FOXP2: variants seen among roughly 807,000 people sequenced by gnomAD.
The protein encoded by FOXP2 is forkhead box P2, also known as forkhead box protein P2.
FOXP2 carries 12 observed loss-of-function variants against 115.8 expected under a neutral mutation model. The ratio of observed to expected loss-of-function variants is 0.10; its 90% CI spans 0.07 to 0.17. The LOEUF is 0.17. FOXP2 is among the 10% of genes least tolerant of loss of function. FOXP2 has a pLI of 1.00. For missense variants in FOXP2, 629 were observed against 843.5 expected (o/e 0.75, Z 3.15); for synonymous variants, 328 against 297.7 (o/e 1.10, Z -1.05).
rs184403058 is a variant in FOXP2 at position 114,436,474 on chromosome 7, A to C, written c.168+9795A>C. Among the ~76,000 whole-genome samples the C allele has an allele frequency of 4.8e-4, 72 of 151,362 alleles. 1 individual carries two copies. The highest frequency in any genetic ancestry group is 2.4e-3 in the Admixed American group (37 of 15,132). On this transcript the variant is annotated intron_variant, in intron 2 of 16. Transcript: ENST00000350908. ...TGCCTAAATAAAAATAATTAATGTA[A>C]TTATTTTAGGAGTAAAATTATTGAT... is the stretch of plus-strand genomic sequence containing the variant.
intron 2 of FOXP2, among the ~76,000 whole-genome samples, chr7:114,494,078 T>A (rs565940647): frequency 9.2e-5 from 14 of 152,188 alleles, no homozygotes; most frequent in Admixed American, 8.5e-4. Flanking sequence ...TAGAGGTAAC[T>A]TTTTAATTAT....
intron 1 of FOXP2, among the ~76,000 whole-genome samples, chr7:114,186,690 G>A (rs1234456677): frequency 3.9e-5 from 6 of 152,124 alleles, no homozygotes; most frequent in Non-Finnish European, 4.4e-5. Flanking sequence ...CGTCCCTGGG[G>A]CAGTTCTTAG....
chr7:114,526,991 A>ATTTTTTTTTTTTTTTTT (rs200748852), intron 2 of FOXP2, among the ~76,000 whole-genome samples: 1 of 128,844 alleles, frequency 7.8e-6, no homozygotes, highest in Non-Finnish European at 1.6e-5. Context: ...CCACTAATCT[A>ATTTTTTTTTTTTTTTTT]TTTTTTTTTT....
chr7:114,454,519 G>T (rs1400163804), intron 2 of FOXP2, among the ~76,000 whole-genome samples: 2 of 150,994 alleles, frequency 1.3e-5, no homozygotes, highest in Non-Finnish European at 2.9e-5. Flanking sequence ...CCATTACTGG[G>T]TATATACCCA....
chr7:114,229,458 A>G (rs1252411068), intron 1 of FOXP2, among the ~76,000 whole-genome samples: 1 of 151,694 alleles, frequency 6.6e-6, no homozygotes, highest in African/African-American at 2.4e-5. Context: ...ATTCTTCTCA[A>G]GCACACATGG....
intron 1 of FOXP2, among the ~76,000 whole-genome samples, chr7:114,178,276 C>T (rs1793368944): frequency 6.6e-6 from 1 of 151,850 alleles, no homozygotes; most frequent in South Asian, 2.1e-4. Flanking sequence ...TAAATTCTCC[C>T]AAGATCTTTA....
intron 3 of FOXP2, among the ~76,000 whole-genome samples, chr7:114,608,098 T>C (rs1315229668): frequency 1.3e-5 from 2 of 152,250 alleles, no homozygotes; most frequent in Non-Finnish European, 2.9e-5. Context: ...GGAACAAGTC[T>C]CTGAACTAAA....
At chr7:114,156,331 T>A (rs1402050407) in intron 1 of FOXP2, among the ~76,000 whole-genome samples, 1 of 152,130 alleles carries the variant, frequency 6.6e-6, no homozygotes, top group African/African-American at 2.4e-5. Context: ...TCTGCTCATG[T>A]CTGACTAGCT....
intron 2 of FOXP2, among the ~76,000 whole-genome samples, chr7:114,427,419 T>C (rs1793908135): frequency 6.6e-6 from 1 of 151,508 alleles, no homozygotes; most frequent in South Asian, 2.1e-4. Context: ...AAAATTCTTT[T>C]CAACCAAAAA....
intron 2 of FOXP2, among the ~76,000 whole-genome samples, chr7:114,459,598 G>GT (rs1378236292): frequency 2.6e-5 from 4 of 151,936 alleles, no homozygotes. Context: ...TGTTTCTTTG[G>GT]TTTTTTGTTT....
chr7:114,312,474 C>T (rs918239156), intron 2 of FOXP2, among the ~76,000 whole-genome samples: 5 of 152,064 alleles, frequency 3.3e-5, no homozygotes, highest in Non-Finnish European at 5.9e-5. Context: ...AAACCTGACC[C>T]AGAGAACCCT....
At chr7:114,529,639 C>A (rs1021375154) in intron 2 of FOXP2, among the ~76,000 whole-genome samples, 12 of 151,614 alleles carry the variant, frequency 7.9e-5, no homozygotes, top group African/African-American at 2.7e-4. Context: ...TAAAAATATT[C>A]TTTAATAATT....
At chr7:114,399,564 A>G (rs866051156) in intron 2 of FOXP2, among the ~76,000 whole-genome samples, 3 of 152,182 alleles carry the variant, frequency 2.0e-5, no homozygotes, top group Non-Finnish European at 2.9e-5. Flanking sequence ...TATACTTTTA[A>G]AAATGATTAT....
intron 2 of FOXP2, among the ~76,000 whole-genome samples, chr7:114,366,237 A>G (rs1253273644): frequency 1.3e-5 from 2 of 152,114 alleles, no homozygotes; most frequent in Non-Finnish European, 1.5e-5. Context: ...GATCGAAACT[A>G]CTAAACAGTA....
At chr7:114,247,004 T>G (rs1373627171) in intron 1 of FOXP2, among the ~76,000 whole-genome samples, 1 of 152,180 alleles carries the variant, frequency 6.6e-6, no homozygotes, top group East Asian at 1.9e-4. Context: ...CCAAATGCCT[T>G]TATGTTGAAA....
intron 1 of FOXP2, among the ~76,000 whole-genome samples, chr7:114,103,619 T>G (rs181560923): frequency 1.5e-4 from 23 of 152,182 alleles, no homozygotes; most frequent in African/African-American, 5.3e-4. Flanking sequence ...TCTTTCTTCC[T>G]TGCTATGGGC....
intron 2 of FOXP2, among the ~76,000 whole-genome samples, chr7:114,328,817 A>C (rs550154171): frequency 6.6e-6 from 1 of 152,342 alleles, no homozygotes; most frequent in South Asian, 2.1e-4. Flanking sequence ...GGGTATCAAA[A>C]GGAATAGCCT....
At chr7:114,097,853 A>G (rs1032179956) in intron 1 of FOXP2, among the ~76,000 whole-genome samples, 1 of 152,316 alleles carries the variant, frequency 6.6e-6, no homozygotes, top group Non-Finnish European at 1.5e-5. Context: ...TCTTTCACTT[A>G]TTTATTCATT....
Position 114,528,154 on chromosome 7 carries a change from G to A in FOXP2, c.169-6463G>A, listed in dbSNP as rs1006509485. Among the ~76,000 whole-genome samples, 8 of 151,960 alleles carry A rather than the reference G, an allele frequency of 5.3e-5. No individual in the cohort carries two copies. In the South Asian group the frequency reaches 8.3e-4, roughly 16 times the overall value. ...TGTTTTACTAGTTCCTAGACTAAGC[G>A]TATGCTCTATCCAAGATCAATTATT... On this transcript the variant is annotated intron_variant, in intron 2 of 16. Transcript: ENST00000350908.
Sources: allele counts gnomAD v4.1 joint callset (sites outside exome capture counted in the v4.1 genomes callset), GRCh38; gene constraint gnomAD v4.1.1; transcripts MANE v1.5; gene names NCBI Gene and HGNC (gene_info 2026-07-23, HGNC 2026-07-21).